GAS7: variants seen among roughly 807,000 people sequenced by gnomAD.
GAS7 encodes the protein growth arrest-specific protein 7.
A neutral mutation model predicts 71.1 loss-of-function variants in GAS7; 28 were observed. That is an observed-to-expected ratio of 0.39 (90% CI 0.29 to 0.54). GAS7 has a LOEUF of 0.54. Among genes scored for constraint, GAS7 ranks in the 20% least tolerant of loss-of-function variants. The pLI is 0.62. For missense variants in GAS7, 436 were observed against 627.8 expected (o/e 0.69, Z 3.27); for synonymous variants, 258 against 245.8 (o/e 1.05, Z -0.46).
intron 2 of GAS7, among the ~76,000 whole-genome samples, chr17:9,996,940 A>C (rs955375071): frequency 1.3e-5 from 2 of 151,024 alleles, no homozygotes; most frequent in Non-Finnish European, 2.9e-5. Context: ...GCGCCAGGCC[A>C]GAAGACTATA....
At chr17:10,187,338 T>C (rs2074463126) in intron 1 of GAS7, among the ~76,000 whole-genome samples, 2 of 152,162 alleles carry the variant, frequency 1.3e-5, no homozygotes, top group African/African-American at 4.8e-5. Context: ...CCACTGAGAT[T>C]GCTGTGGTGG....
At chr17:10,153,877 G>T (rs2074185672) in intron 1 of GAS7, among the ~76,000 whole-genome samples, 1 of 152,054 alleles carries the variant, frequency 6.6e-6, no homozygotes, top group South Asian at 2.1e-4. Context: ...GACCGGCCTG[G>T]GCAACATAAA....
At chr17:10,188,210 T>C (rs559555507) in intron 1 of GAS7, among the ~76,000 whole-genome samples, 1 of 151,814 alleles carries the variant, frequency 6.6e-6, no homozygotes, top group East Asian at 1.9e-4. Flanking sequence ...GCCACTGCAC[T>C]CCAGCCTGGG....
Position 9,912,848 on chromosome 17 carries a change from G to T in GAS7, c.*4380C>A. On this transcript the variant is annotated 3_prime_UTR_variant, in exon 14 of 14. Coordinates refer to ENST00000432992, the MANE Select transcript of GAS7 (RefSeq NM_201433.2). ...AGTGTAAAAATAAAGAAGCAGAGTA[G>T]TACGCCCATGCAATGAAATACTTCC... The T allele has an allele frequency of 4.3e-6, 1 of 232,746 alleles. No homozygotes were observed. The highest frequency in any genetic ancestry group is 6.1e-5 in the East Asian group (1 of 16,516). 14.4% of individuals were successfully genotyped at this position (232,746 alleles called of 1,614,324 possible). A position where few individuals can be genotyped will look rare whatever the true frequency, so the allele number is the denominator to read the frequency against.
In GAS7 at chr17:9,911,477, C is replaced by T. The variant is rs533832892; in HGVS notation, c.*5751G>A. 233 of 233,464 alleles carry T rather than the reference C, an allele frequency of 1.0e-3. 1 individual carries two copies. The highest frequency in any genetic ancestry group is 6.4e-3 in the Middle Eastern group (5 of 782). The allele number at this position is 233,464 out of a possible 1,614,324, so 14.5% of individuals were successfully genotyped here. On this transcript the variant is annotated 3_prime_UTR_variant, in exon 14 of 14. Coordinates refer to ENST00000432992, the MANE Select transcript of GAS7 (RefSeq NM_201433.2). This position sits in a 1 kb window ranked among gnomAD's most constrained non-coding sequence, Gnocchi z 4.0. ...ACCACACGCAATCTCCAAAGGCCAT[C>T]GCCCCAACCTCACCCCACCCCCAGA...
At chr17:10,080,494 G>T (rs2073447094) in intron 1 of GAS7, among the ~76,000 whole-genome samples, 1 of 152,142 alleles carries the variant, frequency 6.6e-6, no homozygotes, top group South Asian at 2.1e-4. Context: ...TAATAAACTT[G>T]CTTTAGCTTT....
At chr17:10,131,361 G>A (rs1307350792) in intron 1 of GAS7, among the ~76,000 whole-genome samples, 7 of 152,186 alleles carry the variant, frequency 4.6e-5, no homozygotes, top group Admixed American at 3.3e-4. Flanking sequence ...GGTGGCTCAC[G>A]CCTGTAATCC....
intron 1 of GAS7, among the ~76,000 whole-genome samples, chr17:10,144,832 G>A (rs2074109400): frequency 6.6e-6 from 1 of 152,182 alleles, no homozygotes; most frequent in Non-Finnish European, 1.5e-5. Context: ...ACAGGCGTGA[G>A]CCACTGCGCC....
intron 6 of GAS7, among the ~76,000 whole-genome samples, chr17:9,946,270 A>G (rs1372285796): frequency 6.6e-6 from 1 of 152,200 alleles, no homozygotes; most frequent in Non-Finnish European, 1.5e-5. Flanking sequence ...AAAAAAATAC[A>G]TCTAGCACAC....
intron 1 of GAS7, chr17:10,061,450 C>G (rs1022427110): frequency 1.3e-5 from 2 of 152,260 alleles, no homozygotes; most frequent in Non-Finnish European, 1.5e-5. Flanking sequence ...TCCTCCCCAC[C>G]CATGACTCCC....
intron 1 of GAS7, among the ~76,000 whole-genome samples, chr17:10,110,441 A>G (rs2073800739): frequency 6.6e-6 from 1 of 152,014 alleles, no homozygotes; most frequent in Non-Finnish European, 1.5e-5. Flanking sequence ...AGGGGTACAA[A>G]CATACAGTTA....
chr17:10,081,062 A>G (rs1316070560), intron 1 of GAS7, among the ~76,000 whole-genome samples: 1 of 152,278 alleles, frequency 6.6e-6, no homozygotes. Flanking sequence ...AACAAACAAT[A>G]AAAGGAAATT....
intron 2 of GAS7, among the ~76,000 whole-genome samples, chr17:9,982,672 G>A (rs1159045200): frequency 1.3e-5 from 2 of 152,044 alleles, no homozygotes; most frequent in Non-Finnish European, 2.9e-5. Flanking sequence ...AGCTACTCAG[G>A]AGGCTGAGGC....
intron 1 of GAS7, among the ~76,000 whole-genome samples, chr17:10,125,698 G>A (rs1008622979): frequency 1.3e-5 from 2 of 151,972 alleles, no homozygotes; most frequent in African/African-American, 2.4e-5. Flanking sequence ...AGGCCCGGGT[G>A]TGAGGGGGTC....
rs1331776778 is a variant in GAS7 at position 9,916,989 on chromosome 17, G to A, written c.*239C>T. 3.5e-6 allele frequency: 2 copies of A among 567,270 alleles called. No individual in the cohort carries two copies. Among genetic ancestry groups the A allele is most frequent in the East Asian group, 5.6e-5 (2 of 35,892 alleles). 35.1% of individuals were successfully genotyped at this position (567,270 alleles called of 1,614,324 possible). On this transcript the variant is annotated 3_prime_UTR_variant, in exon 14 of 14. Coordinates refer to ENST00000432992, the MANE Select transcript of GAS7 (RefSeq NM_201433.2). ...TTTCAGAGCGGCAAGCACAGCATGG[G>A]AGTCAGGGGGTCTTCAGCCTCAGAG...
chr17:10,164,734 T>C (rs2074280327), intron 1 of GAS7, among the ~76,000 whole-genome samples: 2 of 150,498 alleles, frequency 1.3e-5, no homozygotes, highest in Admixed American at 1.3e-4. Flanking sequence ...GGCTCACACC[T>C]ATAATCTCAG....
chr17:10,153,129 G>A (rs1350740442), intron 1 of GAS7, among the ~76,000 whole-genome samples: 1 of 149,842 alleles, frequency 6.7e-6, no homozygotes, highest in Non-Finnish European at 1.5e-5. Flanking sequence ...AGAATTGCTT[G>A]AACCCAGGAG....
In GAS7 at chr17:10,046,785, A is replaced by AAGGAAGGAAGGAAGG. The variant is rs2072968883; in HGVS notation, c.184-26889_184-26888insCCTTCCTTCCTTCCT. On this transcript the variant is annotated intron_variant, in intron 1 of 13. Coordinates refer to ENST00000432992, the MANE Select transcript of GAS7 (RefSeq NM_201433.2). ...AAAGAAAGAAGAGAAAGAAAGAAAG[A>AAGGAAGGAAGGAAGG]AAGGAAGGAAGGAAGGAAGGAAGGA... is the stretch of plus-strand genomic sequence containing the variant. Among the ~76,000 whole-genome samples the AAGGAAGGAAGGAAGG allele has an allele frequency of 7.3e-5, 5 of 68,808 alleles. No homozygotes were observed. In the East Asian group the frequency reaches 1.7e-3, roughly 23 times the overall value. The allele number at this position is 68,808 out of a possible 152,430, so 45.1% of individuals were successfully genotyped here.
intron 1 of GAS7, among the ~76,000 whole-genome samples, chr17:10,184,539 A>G (rs1476557434): frequency 2.0e-5 from 3 of 152,242 alleles, no homozygotes; most frequent in Non-Finnish European, 2.9e-5. Flanking sequence ...CCCTAAGGGT[A>G]TTCAAATGCC....
Sources: allele counts gnomAD v4.1 joint callset (sites outside exome capture counted in the v4.1 genomes callset), GRCh38; gene constraint gnomAD v4.1.1; non-coding constraint Gnocchi (gnomAD v3.1); transcripts MANE v1.5; gene names NCBI Gene and HGNC (gene_info 2026-07-23, HGNC 2026-07-21).